Variants in VPS53 observed in about 807,000 individuals in gnomAD.
The protein encoded by VPS53 is vacuolar protein sorting-associated protein 53 homolog.
VPS53 carries 70 observed loss-of-function variants against 107.0 expected under a neutral mutation model. The observed-to-expected ratio is 0.65, with a 90% CI of 0.54 to 0.80. The LOEUF (loss-of-function observed/expected upper bound fraction) is 0.80, where lower values mean the gene tolerates loss of function less well. Among genes scored for constraint, VPS53 ranks in the 30% least tolerant of loss-of-function variants. The pLI is 0.00. For synonymous variants in VPS53, 409 were observed against 393.3 expected (o/e 1.04, Z -0.47); for missense variants, 917 against 1,049.4 (o/e 0.87, Z 1.74).
At chr17:639,842 G>A (rs1455586887) in intron 7 of VPS53, among the ~76,000 whole-genome samples, 3 of 150,488 alleles carry the variant, frequency 2.0e-5, no homozygotes, top group Admixed American at 6.6e-5. Flanking sequence ...GGCTACTCGG[G>A]GGTCAGGGAC....
chr17:652,649 G>A (rs1971000554), intron 7 of VPS53, among the ~76,000 whole-genome samples: 1 of 152,184 alleles, frequency 6.6e-6, no homozygotes, highest in Non-Finnish European at 1.5e-5. Flanking sequence ...GTCCCCTCCT[G>A]AGCTGCCTCG....
chr17:702,479 T>C (rs1265432722), intron 2 of VPS53, among the ~76,000 whole-genome samples: 1 of 151,820 alleles, frequency 6.6e-6, no homozygotes, highest in Non-Finnish European at 1.5e-5. Context: ...CAGGCCAATA[T>C]GGTGAAACCC....
At chr17:582,015 C>T (rs937215324) in intron 13 of VPS53, among the ~76,000 whole-genome samples, 3 of 151,436 alleles carry the variant, frequency 2.0e-5, no homozygotes, top group Non-Finnish European at 2.9e-5. Context: ...TCCCAGAGAA[C>T]CTCCCTCAGA....
rs534923967 is a variant in VPS53, at chr17:711,482, T to C, written c.88-869A>G. Among the ~76,000 whole-genome samples the C allele has an allele frequency of 3.3e-5, 5 of 152,304 alleles. No individual in the cohort carries two copies. The South Asian group carries it at 1.0e-3, about 32-fold the overall frequency. ...GGTGGATGAGAAGAAAGTGAAGATG[T>C]TTTCTTTTTAAAATGTTCAGCATTG... On this transcript the variant is annotated intron_variant, in intron 1 of 21. Transcript: ENST00000437048.
chr17:568,297 A>G (rs1913729317), intron 13 of VPS53, among the ~76,000 whole-genome samples: 1 of 152,154 alleles, frequency 6.6e-6, no homozygotes, highest in Admixed American at 6.5e-5. Flanking sequence ...GCTGGAGTGC[A>G]GTGGCATGAC....
rs1597236829 is a variant in VPS53, at chr17:519,134, T to G, written c.2493A>C (p.Arg831Ser). The G allele has an allele frequency of 7.9e-6, 12 of 1,515,228 alleles. No individual in the cohort carries two copies. The highest frequency in any genetic ancestry group is 1.1e-5 in the Non-Finnish European group (12 of 1,129,628). The allele number at this position is 1,515,228 out of a possible 1,614,324, so 93.9% of individuals were successfully genotyped here. ...IRKLEKLIKKRL is the reference protein window; with the variant it reads ...IRKLEKLIKKSL ...AAAGGGCCCCTTGCTGCTGCTACAG[T>G]CTCTTTTTAATGAGTTTCTCGAGCT... Residue 831 changes from arginine to serine, a missense_variant, in exon 22 of 22, where the codon AGA (arginine) becomes AGC (serine). By Grantham distance (110) the Arg-to-Ser change is moderately radical. Coordinates refer to ENST00000437048, the MANE Select transcript of VPS53 (RefSeq NM_001128159.3). The surrounding 1 kb of genome is among the most constrained non-coding windows in gnomAD (Gnocchi z 5.0).
At chr17:708,183 T>A (rs920263012) in intron 2 of VPS53, among the ~76,000 whole-genome samples, 2 of 152,144 alleles carry the variant, frequency 1.3e-5, no homozygotes, top group Non-Finnish European at 2.9e-5. Flanking sequence ...CTACCACCAA[T>A]GCACAGAGTC....
intron 13 of VPS53, among the ~76,000 whole-genome samples, chr17:563,118 A>G (rs1913174110): frequency 6.6e-6 from 1 of 152,160 alleles, no homozygotes; most frequent in Non-Finnish European, 1.5e-5. Flanking sequence ...GGCAGAGCTG[A>G]GCCTAGACTC....
chr17:519,542 C>G lies in VPS53; in HGVS notation c.2329-244G>C, dbSNP rs1414599006. On this transcript the variant is annotated intron_variant, in intron 21 of 21. Transcript: ENST00000437048. The surrounding 1 kb of genome is among the most constrained non-coding windows in gnomAD (Gnocchi z 5.0). ...GGCTGACAGAGGAGAAAGGACAGGT[C>G]AAGAAGGTGGGAAGGACAACATGCC... is the stretch of plus-strand genomic sequence containing the variant. Among the ~76,000 whole-genome samples, 1 of 152,172 alleles carries G rather than the reference C, an allele frequency of 6.6e-6. No individual in the cohort carries two copies. The highest frequency in any genetic ancestry group is 2.1e-4 in the South Asian group (1 of 4,830).
intron 2 of VPS53, among the ~76,000 whole-genome samples, chr17:703,498 C>T (rs1030933899): frequency 4.6e-5 from 7 of 152,198 alleles, no homozygotes; most frequent in African/African-American, 9.7e-5. Flanking sequence ...AGGGCCTCTC[C>T]TGGAGTTGGG....
chr17:671,742 G>A (rs11655448), intron 4 of VPS53, among the ~76,000 whole-genome samples: 5,834 of 145,828 alleles, frequency 0.04, 165 homozygotes, highest in Admixed American at 0.1. Flanking sequence ...GTCACGCTTC[G>A]TCGTGGCATG....
At position 697,481 on chromosome 17, in the gene VPS53, T is replaced by C. The variant is rs1345447837; in HGVS notation, c.222A>G (p.Arg74=). 10 of 1,613,310 alleles carry C rather than the reference T, an allele frequency of 6.2e-6. No individual in the cohort carries two copies. The highest frequency in any genetic ancestry group is 8.5e-6 in the Non-Finnish European group (10 of 1,179,254). The change falls in exon 4 of 22, where the codon AGA becomes AGG. Residue 74 remains arginine, a synonymous_variant. Coordinates refer to ENST00000437048, the MANE Select transcript of VPS53 (RefSeq NM_001128159.3). ...VVNKIRLKIR[R]LDDNIRTVVR... ...CAACAGTTCGAATATTGTCATCCAG[T>C]CTCCTAGCAAAACAGTTCAAGGATA...
intron 13 of VPS53, among the ~76,000 whole-genome samples, chr17:584,188 C>T (rs975177083): frequency 2.0e-5 from 3 of 152,206 alleles, no homozygotes; most frequent in Non-Finnish European, 4.4e-5. Context: ...CGAGTGCGTT[C>T]TTTAGACTGT....
chr17:519,861 T>G lies in VPS53; in HGVS notation c.2293A>C (p.Asn765His). 1.3e-6 allele frequency: 2 copies of G among 1,551,726 alleles called. No homozygotes were observed. Among genetic ancestry groups the G allele is most frequent in the Non-Finnish European group, 1.7e-6 (2 of 1,146,978 alleles). ...AGTATCTTCTGAAAGGTTTCTGTGT[T>G]GCAGTCTGTGAGAAGTTTGATGTAG... ...DNYIKLLTDC[N>H]TETFQKILDM... Residue 765 changes from asparagine (N) to histidine (H), a missense_variant, in exon 21 of 22, where the codon AAC becomes CAC. Coordinates refer to ENST00000437048, the MANE Select transcript of VPS53 (RefSeq NM_001128159.3). This position sits in a 1 kb window ranked among gnomAD's most constrained non-coding sequence, Gnocchi z 5.0.
intron 11 of VPS53, among the ~76,000 whole-genome samples, chr17:613,695 T>C (rs2143014624): frequency 6.6e-6 from 1 of 151,276 alleles, no homozygotes; most frequent in Admixed American, 6.6e-5. Flanking sequence ...TGAAAACCTG[T>C]ACAAATATTC....
At chr17:656,657 G>A (rs1971198188) in intron 5 of VPS53, 3 of 549,004 alleles carry the variant, frequency 5.5e-6, no homozygotes, top group Non-Finnish European at 9.6e-6. Flanking sequence ...TAACACCCAG[G>A]TGAAATCATC....
chr17:712,959 G>A (rs1349193781), intron 1 of VPS53, among the ~76,000 whole-genome samples: 5 of 152,188 alleles, frequency 3.3e-5, no homozygotes, highest in Non-Finnish European at 2.9e-5. Context: ...CCGTGTGGCC[G>A]GAACACTAAA....
At chr17:547,849 C>T (rs114603479) in intron 17 of VPS53, among the ~76,000 whole-genome samples, 38 of 152,130 alleles carry the variant, frequency 2.5e-4, no homozygotes, top group Admixed American at 1.3e-4. Flanking sequence ...ATGCTGGCCT[C>T]GAACTCCTAA....
At chr17:553,635 A>T (rs1167567652) in intron 15 of VPS53, among the ~76,000 whole-genome samples, 173 bp from the exon 16 acceptor site, 1 of 144,144 alleles carries the variant, frequency 6.9e-6, no homozygotes, top group Admixed American at 7.3e-5. Context: ...CAGTGGTGCG[A>T]CCTCGGCTCA....
Sources: allele counts gnomAD v4.1 joint callset (sites outside exome capture counted in the v4.1 genomes callset), GRCh38; gene constraint gnomAD v4.1.1; non-coding constraint Gnocchi (gnomAD v3.1); transcripts MANE v1.5; gene names NCBI Gene and HGNC (gene_info 2026-07-23, HGNC 2026-07-21).